TAFA1: variants seen among roughly 807,000 people sequenced by gnomAD.
TAFA1 encodes the protein chemokine-like protein TAFA-1.
TAFA1 carries 4 observed loss-of-function variants against 18.5 expected under a neutral mutation model. The observed-to-expected ratio is 0.22, with a 90% CI of 0.11 to 0.49. TAFA1 has a LOEUF of 0.49. Ranked by LOEUF, TAFA1 falls within the 20% of genes least tolerant of loss-of-function variation. The probability of loss-of-function intolerance (pLI) is 0.98; values close to 1 mark genes in which losing one functional copy is unlikely to be tolerated. For missense variants in TAFA1, 147 were observed against 169.0 expected, an observed-to-expected ratio of 0.87 and a Z score of 0.72; for synonymous variants, 56 against 55.2, an observed-to-expected ratio of 1.01 and a Z score of -0.06.
In TAFA1 at chr3:68,047,924, C is replaced by T. The variant is rs571904886; in HGVS notation, c.118+41180C>T. 3.3e-5 allele frequency among the ~76,000 whole-genome samples: 5 copies of T among 152,180 alleles called. No homozygotes were observed. The East Asian group carries it at 5.8e-4, about 18-fold the overall frequency. On this transcript the variant is annotated intron_variant, in intron 2 of 4. Coordinates refer to ENST00000478136, the MANE Select transcript of TAFA1 (RefSeq NM_213609.4). ...CACTGCAAGGGCCTTCCAGATTATG[C>T]GAATGGATGAAGTTGGCCACATGCT...
chr3:68,487,160 A>T (rs995828486), intron 3 of TAFA1, among the ~76,000 whole-genome samples: 1 of 152,236 alleles, frequency 6.6e-6, no homozygotes, highest in Non-Finnish European at 1.5e-5. Context: ...TTGTCTAGAA[A>T]TGTGACTTAA....
intron 2 of TAFA1, among the ~76,000 whole-genome samples, chr3:68,054,722 T>C (rs2064512648): frequency 6.6e-6 from 1 of 152,238 alleles, no homozygotes; most frequent in African/African-American, 2.4e-5. Flanking sequence ...GTTTACTATC[T>C]GGTGCTTTAC....
intron 2 of TAFA1, among the ~76,000 whole-genome samples, chr3:68,288,446 G>T (rs1304965109): frequency 2.6e-5 from 4 of 152,138 alleles, no homozygotes; most frequent in Non-Finnish European, 4.4e-5. Flanking sequence ...CAGCTTCCTG[G>T]AGAATTTGCC....
At chr3:68,127,555 C>G (rs999653256) in intron 2 of TAFA1, among the ~76,000 whole-genome samples, 10 of 13,162 alleles carry the variant, frequency 7.6e-4, no homozygotes, top group African/African-American at 2.5e-3. Flanking sequence ...ACAAAGGTGA[C>G]AGTGATCATG....
chr3:68,493,971 T>G (rs1313510587), intron 3 of TAFA1, among the ~76,000 whole-genome samples: 2 of 152,224 alleles, frequency 1.3e-5, no homozygotes, highest in Admixed American at 1.3e-4. Context: ...TCTCTGATCT[T>G]ACTTGCTGTG....
intron 3 of TAFA1, among the ~76,000 whole-genome samples, chr3:68,461,377 A>ATATATATATATATATATATG (rs1337466211): frequency 2.1e-5 from 3 of 142,026 alleles, no homozygotes; most frequent in Admixed American, 6.9e-5. Context: ...ATATATATAT[A>ATATATATATATATATATATG]TATGTATGTA....
At chr3:68,193,352 C>T (rs2066372639) in intron 2 of TAFA1, among the ~76,000 whole-genome samples, 1 of 151,706 alleles carries the variant, frequency 6.6e-6, no homozygotes, top group Admixed American at 6.6e-5. Flanking sequence ...TGTCCCCTAA[C>T]TGTAACATTT....
intron 2 of TAFA1, among the ~76,000 whole-genome samples, chr3:68,080,330 T>C (rs545684724): frequency 2.0e-5 from 3 of 152,302 alleles, no homozygotes; most frequent in Admixed American, 2.0e-4. Context: ...GTTAATATTG[T>C]TATGTGTGAA....
intron 3 of TAFA1, among the ~76,000 whole-genome samples, chr3:68,467,672 T>C (rs1283489823): frequency 6.6e-6 from 1 of 152,122 alleles, no homozygotes; most frequent in East Asian, 1.9e-4. Context: ...GCTAAACTGG[T>C]TTAACAGGAT....
At chr3:68,216,662 G>C (rs1490511113) in intron 2 of TAFA1, among the ~76,000 whole-genome samples, 1 of 151,968 alleles carries the variant, frequency 6.6e-6, no homozygotes. Context: ...AGAGATTTTT[G>C]GAAAATTGGA....
intron 2 of TAFA1, among the ~76,000 whole-genome samples, chr3:68,304,623 T>C (rs1259910100): frequency 5.3e-5 from 8 of 152,188 alleles, no homozygotes; most frequent in Non-Finnish European, 2.9e-5. Context: ...TACCATTGTT[T>C]CAGACTATTA....
In TAFA1 at chr3:68,395,510, C is replaced by A. The variant is rs184819073; in HGVS notation, c.119-21770C>A. On this transcript the variant is annotated intron_variant, in intron 2 of 4. Coordinates refer to ENST00000478136, the MANE Select transcript of TAFA1 (RefSeq NM_213609.4). ...TACGTTTACTGCACATGCACACATA[C>A]GTTTACTGCAGTACTGTTCACAAGA... 2.0e-5 allele frequency among the ~76,000 whole-genome samples: 3 copies of A among 151,482 alleles called. No homozygotes were observed. The Admixed American group carries it at 2.0e-4, about 10-fold the overall frequency.
At chr3:68,211,688 G>A (rs532832928) in intron 2 of TAFA1, among the ~76,000 whole-genome samples, 3 of 152,086 alleles carry the variant, frequency 2.0e-5, no homozygotes, top group African/African-American at 7.2e-5. Context: ...CTGGCATCTG[G>A]TGAAGGCCTC....
chr3:68,097,722 A>G (rs773076547), intron 2 of TAFA1, among the ~76,000 whole-genome samples: 1 of 152,128 alleles, frequency 6.6e-6, no homozygotes. Context: ...TTAGTGCTCA[A>G]TAAATACTTG....
chr3:68,146,711 A>G (rs1278454674), intron 2 of TAFA1, among the ~76,000 whole-genome samples: 1 of 152,126 alleles, frequency 6.6e-6, no homozygotes, highest in Non-Finnish European at 1.5e-5. Context: ...TAGTTCTTTA[A>G]CTCTTCCTGG....
chr3:68,528,148 G>T (rs1465068420), intron 3 of TAFA1, among the ~76,000 whole-genome samples: 1 of 152,146 alleles, frequency 6.6e-6, no homozygotes, highest in Non-Finnish European at 1.5e-5. Flanking sequence ...TACAGAGCTG[G>T]ATAATAAACA....
the TAFA1 span, among the ~76,000 whole-genome samples, chr3:67,995,256 T>C: frequency 3.3e-5 from 5 of 152,126 alleles, no homozygotes; most frequent in Non-Finnish European, 7.4e-5. Context: ...TGCTGTACAT[T>C]TTTGTTTTAA....
At chr3:68,504,010 G>C (rs1297478235) in intron 3 of TAFA1, among the ~76,000 whole-genome samples, 1 of 152,000 alleles carries the variant, frequency 6.6e-6, no homozygotes, top group Admixed American at 6.6e-5. Flanking sequence ...CTGAATTTTA[G>C]TGCATACCTA....
At chr3:68,123,878 C>CAAAAAAAAAAAAAAAAAAAAAAAAAAA (rs758966848) in intron 2 of TAFA1, among the ~76,000 whole-genome samples, 1 of 72,146 alleles carries the variant, frequency 1.4e-5, no homozygotes. Flanking sequence ...CTTTTTTTTC[C>CAAAAAAAAAAAAAAAAAAAAAAAAAAA]AAAAAAAAAA....
Sources: allele counts gnomAD v4.1 joint callset (sites outside exome capture counted in the v4.1 genomes callset), GRCh38; gene constraint gnomAD v4.1.1; transcripts MANE v1.5; gene names NCBI Gene and HGNC (gene_info 2026-07-23, HGNC 2026-07-21).